Variants in MCTP1 observed in about 807,000 individuals in gnomAD.
The protein encoded by MCTP1 is multiple C2 and transmembrane domain-containing protein 1.
Under a neutral mutation model 120.6 loss-of-function variants are expected in MCTP1, and 69 were observed. That is an observed-to-expected ratio of 0.57 (90% CI 0.47 to 0.70). The LOEUF is 0.70. Ranked by LOEUF, MCTP1 falls within the 30% of genes least tolerant of loss-of-function variation. MCTP1 has a pLI of 0.00. For synonymous variants in MCTP1, 529 were observed against 493.1 expected (o/e 1.07, Z -0.96); for missense variants, 1,203 against 1,248.8 (o/e 0.96, Z 0.55).
intron 9 of MCTP1, among the ~76,000 whole-genome samples, chr5:94,912,020 T>A (rs1036246989): frequency 6.6e-6 from 1 of 152,172 alleles, no homozygotes; most frequent in African/African-American, 2.4e-5. Flanking sequence ...AGAGACAAAG[T>A]AACTTGTTCT....
chr5:94,704,232 T>G lies in MCTP1; in HGVS notation c.*3264A>C, dbSNP rs991175895. 6.6e-6 allele frequency: 1 copy of G among 151,638 alleles called. No individual in the cohort carries two copies. The highest frequency in any genetic ancestry group is 1.5e-5 in the Non-Finnish European group (1 of 67,718). The allele number at this position is 151,638 out of a possible 1,614,324, so 9.4% of individuals were successfully genotyped here. ...CACACTAGAGTGTGAAATCACGCTATTCATTTAAAGCCCAAGAATTTAAGC... is the reference window on the plus strand; with the variant it reads ...CACACTAGAGTGTGAAATCACGCTAGTCATTTAAAGCCCAAGAATTTAAGC... On this transcript the variant is annotated 3_prime_UTR_variant, in exon 23 of 23. Transcript: ENST00000515393.
In MCTP1 at chr5:94,984,525, G is replaced by A. The variant is rs149932136; in HGVS notation, c.839-31164C>T. ...ACTCAGTTAACAGAGAGTCTTGAAC[G>A]CCAGACTGATGAAATTTGATGTTAT... On this transcript the variant is annotated intron_variant, in intron 2 of 22. Coordinates refer to ENST00000515393, the MANE Select transcript of MCTP1 (RefSeq NM_024717.7). Among the ~76,000 whole-genome samples the A allele has an allele frequency of 8.1e-3, 1,235 of 152,204 alleles. 14 individuals carry two copies. The highest frequency in any genetic ancestry group is 0.029 in the African/African-American group (1,193 of 41,532).
Position 94,705,745 on chromosome 5 carries a change from A to G in MCTP1, c.*1751T>C, listed in dbSNP as rs1478141354. ...TCAGCACAGAACATAAAAGTCTCAC[A>G]TAAGGTATAATTGAAAGTTATTTCA... On this transcript the variant is annotated 3_prime_UTR_variant, in exon 23 of 23. Coordinates refer to ENST00000515393, the MANE Select transcript of MCTP1 (RefSeq NM_024717.7). 1.3e-5 allele frequency: 2 copies of G among 151,560 alleles called. No homozygotes were observed. Among genetic ancestry groups the G allele is most frequent in the African/African-American group, 4.8e-5 (2 of 41,340 alleles). The allele number at this position is 151,560 out of a possible 1,614,324, so 9.4% of individuals were successfully genotyped here.
intron 12 of MCTP1, among the ~76,000 whole-genome samples, chr5:94,880,601 G>A (rs1166899495): frequency 6.6e-6 from 1 of 151,824 alleles, no homozygotes; most frequent in African/African-American, 2.4e-5. Context: ...ATTTATCTTG[G>A]TAACTGCTAC....
At chr5:95,090,160 C>G (rs1222641472) in intron 1 of MCTP1, among the ~76,000 whole-genome samples, 1 of 152,142 alleles carries the variant, frequency 6.6e-6, no homozygotes, top group Non-Finnish European at 1.5e-5. Context: ...ACAACCTAGG[C>G]ATAAATTATG....
At chr5:95,193,439 C>T (rs1032054953) in intron 1 of MCTP1, among the ~76,000 whole-genome samples, 2 of 152,116 alleles carry the variant, frequency 1.3e-5, no homozygotes, top group Admixed American at 1.3e-4. Context: ...ATTATAATCA[C>T]ATTAAAAAGT....
intron 1 of MCTP1, among the ~76,000 whole-genome samples, chr5:95,225,404 C>T (rs1490654006): frequency 6.6e-6 from 1 of 152,156 alleles, no homozygotes; most frequent in Non-Finnish European, 1.5e-5. Context: ...CAACTCCAGA[C>T]AGTAATGGCT....
At chr5:95,139,722 T>C (rs1466085962) in intron 1 of MCTP1, among the ~76,000 whole-genome samples, 1 of 152,236 alleles carries the variant, frequency 6.6e-6, no homozygotes, top group Non-Finnish European at 1.5e-5. Context: ...TGTTTCCTTA[T>C]GAACAATGTT....
At chr5:95,093,730 G>A (rs1267399317) in intron 1 of MCTP1, among the ~76,000 whole-genome samples, 3 of 152,186 alleles carry the variant, frequency 2.0e-5, no homozygotes, top group Admixed American at 6.5e-5. Flanking sequence ...CTCACAATGT[G>A]ACATTCCTCC....
chr5:94,740,581 T>C (rs1372679179), intron 19 of MCTP1, among the ~76,000 whole-genome samples: 1 of 152,182 alleles, frequency 6.6e-6, no homozygotes, highest in African/African-American at 2.4e-5. Flanking sequence ...ATTCAGGCTG[T>C]TGGATTTCAT....
intron 2 of MCTP1, among the ~76,000 whole-genome samples, chr5:94,955,916 C>T (rs1369620379): frequency 6.6e-6 from 1 of 152,228 alleles, no homozygotes; most frequent in East Asian, 1.9e-4. Flanking sequence ...TTAAGCTCTG[C>T]TAAGGGACAG....
chr5:94,954,103 C>CAA (rs1426923458), intron 2 of MCTP1, among the ~76,000 whole-genome samples: 5 of 43,246 alleles, frequency 1.2e-4, no homozygotes, highest in South Asian at 6.8e-4. Context: ...CATATATATA[C>CAA]ATATATATGA....
chr5:95,176,335 G>C (rs1582448188), intron 1 of MCTP1, among the ~76,000 whole-genome samples: 1 of 151,940 alleles, frequency 6.6e-6, no homozygotes, highest in East Asian at 1.9e-4. Flanking sequence ...GACTAGCCTG[G>C]CCACCATGGT....
Position 95,056,385 on chromosome 5 carries a change from T to C in MCTP1, c.721-38901A>G, listed in dbSNP as rs534527453. On this transcript the variant is annotated intron_variant, in intron 1 of 22. Coordinates refer to ENST00000515393, the MANE Select transcript of MCTP1 (RefSeq NM_024717.7). ...GGTAATCAGATCACGGTAGTTAAGC[T>C]TTTAGTGGTTTTGAAATTATATTTC... 3.3e-5 allele frequency among the ~76,000 whole-genome samples: 5 copies of C among 152,314 alleles called. No individual in the cohort carries two copies. In the South Asian group the frequency reaches 1.0e-3, roughly 32 times the overall value.
chr5:95,255,802 C>T (rs1379951330), intron 1 of MCTP1, among the ~76,000 whole-genome samples: 1 of 152,150 alleles, frequency 6.6e-6, no homozygotes, highest in Non-Finnish European at 1.5e-5. Context: ...CATCTAACTG[C>T]ATCCTGCCTT....
At chr5:94,728,468 A>T (rs1422722967) in intron 19 of MCTP1, among the ~76,000 whole-genome samples, 1 of 152,188 alleles carries the variant, frequency 6.6e-6, no homozygotes. Context: ...ATGGGCATGG[A>T]TTGAGGCTAT....
intron 17 of MCTP1, among the ~76,000 whole-genome samples, chr5:94,823,838 C>T (rs1041052972): frequency 2.6e-5 from 4 of 152,120 alleles, no homozygotes; most frequent in South Asian, 4.1e-4. Context: ...TGATTTGGCT[C>T]TCTGTTTGTC....
intron 2 of MCTP1, among the ~76,000 whole-genome samples, chr5:94,967,652 G>T (rs1040597155): frequency 2.0e-5 from 3 of 152,248 alleles, no homozygotes; most frequent in African/African-American, 7.2e-5. Context: ...ACACAGAGAT[G>T]TTCGAGACTG....
intron 1 of MCTP1, among the ~76,000 whole-genome samples, chr5:95,252,076 T>C (rs937645110): frequency 4.6e-5 from 7 of 152,080 alleles, no homozygotes; most frequent in Admixed American, 3.3e-4. Flanking sequence ...CCTTTTTATA[T>C]TTATATAGCC....
Sources: gnomAD v4.1 joint callset for allele counts (sites outside exome capture counted in the v4.1 genomes callset) on GRCh38, gnomAD v4.1.1 for gene constraint, MANE v1.5 for transcripts, NCBI Gene and HGNC (gene_info 2026-07-23, HGNC 2026-07-21) for gene names.